The following ADAM19 variants were observed in gnomAD, a reference collection of about 807,000 sequenced individuals.
The protein encoded by ADAM19 is ADAM metallopeptidase domain 19.
In ADAM19, 65 loss-of-function variants were observed where a neutral mutation model predicts 114.7. That is an observed-to-expected ratio of 0.57 (90% confidence interval 0.46 to 0.70). ADAM19 has a LOEUF of 0.70. ADAM19 is among the 30% of genes least tolerant of loss of function. The pLI is 0.00. For missense variants in ADAM19, 1,063 were observed against 1,204.7 expected (o/e 0.88, Z 1.74); for synonymous variants, 466 against 460.5 (o/e 1.01, Z -0.15).
In ADAM19 at chr5:157,558,937, C is replaced by T. The variant is rs931624070; in HGVS notation, c.251+5436G>A. On this transcript the variant is annotated intron_variant, in intron 3 of 22. Transcript: ENST00000257527. ...AGAATGTTAGGGAGCTAGATTACTCCATTAGCACTGAATGTTAATTTTCCA... is the reference window on the plus strand; with the variant it reads ...AGAATGTTAGGGAGCTAGATTACTCTATTAGCACTGAATGTTAATTTTCCA... 5.9e-5 allele frequency among the ~76,000 whole-genome samples: 9 copies of T among 152,272 alleles called. No individual in the cohort carries two copies. In the South Asian group the frequency reaches 8.3e-4, roughly 14 times the overall value.
intron 21 of ADAM19, among the ~76,000 whole-genome samples, chr5:157,487,231 T>C (rs1238648063): frequency 6.6e-6 from 1 of 152,150 alleles, no homozygotes; most frequent in Non-Finnish European, 1.5e-5. Context: ...TCTCTCTCCC[T>C]GTCAATCTTT....
At chr5:157,575,500 T>G in intron 1 of ADAM19, 103 bp downstream of exon 1, 1 of 839,844 alleles carries the variant, frequency 1.2e-6, no homozygotes, top group Non-Finnish European at 1.7e-6. Flanking sequence ...CCCGCGGAGT[T>G]GCGGGAGGCG....
chr5:157,501,604 CCA>C (rs1755564509), intron 12 of ADAM19, among the ~76,000 whole-genome samples: 1 of 152,186 alleles, frequency 6.6e-6, no homozygotes, highest in South Asian at 2.1e-4. Flanking sequence ...TTCCTCAACC[CCA>C]GTGGCCCTCC....
Position 157,496,999 on chromosome 5 carries a change from T to C in ADAM19, c.1489A>G (p.Asn497Asp), listed in dbSNP as rs761824631. ...GGGGTACCATCCATCTGGTAGAAGT[T>C]GGTAGGGCAGTGGGGAGACTTGCCC... ...CTGKSPHCPTNFYQMDGTPCE... is the reference protein window; with the variant it reads ...CTGKSPHCPTDFYQMDGTPCE... Residue 497 changes from asparagine to aspartate, a missense_variant, in exon 14 of 23, where the codon AAC becomes GAC. This residue lies in a region of ADAM19 where 615 missense variants were observed against 706.3 expected (regional missense o/e 0.87). Coordinates refer to ENST00000257527, the MANE Select transcript of ADAM19 (RefSeq NM_033274.5). 187 of 1,597,632 alleles carry C rather than the reference T, an allele frequency of 1.2e-4. No individual in the cohort carries two copies. The highest frequency in any genetic ancestry group is 1.5e-4 in the Non-Finnish European group (180 of 1,173,124).
chr5:157,566,095 C>G (rs11465259), intron 2 of ADAM19: 1 of 132,626 alleles, frequency 7.5e-6, no homozygotes, highest in Non-Finnish European at 1.5e-5. Context: ...AGCGACAGAG[C>G]GAGACTCTGT....
At chr5:157,497,590 C>CACACACACACACACAT (rs372261868) in intron 13 of ADAM19, among the ~76,000 whole-genome samples, 7,991 of 151,420 alleles carry the variant, frequency 0.053, 255 homozygotes, top group Middle Eastern at 0.096. Flanking sequence ...CACACACACA[C>CACACACACACACACAT]ACACACACAA....
At chr5:157,521,552 C>T (rs560907981) in intron 5 of ADAM19, among the ~76,000 whole-genome samples, 1 of 152,332 alleles carries the variant, frequency 6.6e-6, no homozygotes, top group African/African-American at 2.4e-5. Flanking sequence ...GCGCCAGGCT[C>T]TGATGGGCAG....
In ADAM19 at chr5:157,480,331, A is replaced by T; in HGVS notation, c.*618T>A. 1 of 986,780 alleles carries T rather than the reference A, an allele frequency of 1.0e-6. No individual in the cohort carries two copies. The highest frequency in any genetic ancestry group is 1.2e-6 in the Non-Finnish European group (1 of 830,892). 61.1% of individuals were successfully genotyped at this position (986,780 alleles called of 1,614,324 possible). On this transcript the variant is annotated 3_prime_UTR_variant, in exon 23 of 23. Coordinates refer to ENST00000257527, the MANE Select transcript of ADAM19 (RefSeq NM_033274.5). ...TGTCTGAGTCAGAGTGACCCGTGTG[A>T]ATACAGGGATGCAGGGGTTTGGGGA...
intron 3 of ADAM19, among the ~76,000 whole-genome samples, chr5:157,541,922 A>G (rs1174245933): frequency 6.6e-6 from 1 of 152,178 alleles, no homozygotes; most frequent in Admixed American, 6.5e-5. Context: ...TTTCCCATTT[A>G]CCTTGAAAAA....
intron 4 of ADAM19, among the ~76,000 whole-genome samples, chr5:157,536,163 C>G (rs1417263494): frequency 6.6e-6 from 1 of 152,180 alleles, no homozygotes; most frequent in South Asian, 2.1e-4. Flanking sequence ...CAAAACACAG[C>G]CCCTGAGCTA....
chr5:157,490,592 A>G (rs1344912239), intron 18 of ADAM19, 138 bp from the exon 19 acceptor site: 3 of 1,148,706 alleles, frequency 2.6e-6, no homozygotes, highest in Non-Finnish European at 3.7e-6. Flanking sequence ...TACAAATTAT[A>G]ATTAAAAACA....
chr5:157,495,967 G>A (rs1755352076), intron 14 of ADAM19, among the ~76,000 whole-genome samples: 1 of 110,474 alleles, frequency 9.1e-6, no homozygotes, highest in South Asian at 3.1e-4. Context: ...TTTTGAGATG[G>A]TACATCCCTC....
chr5:157,507,102 G>A lies in ADAM19; in HGVS notation c.944C>T (p.Pro315Leu). The A allele has an allele frequency of 6.2e-7, 1 of 1,614,134 alleles. No individual in the cohort carries two copies. The highest frequency in any genetic ancestry group is 8.5e-7 in the Non-Finnish European group (1 of 1,180,016). Residue 315 changes from proline to leucine, a missense_variant, in exon 10 of 23, where the codon CCC (proline) becomes CTC (leucine). By Grantham distance (98) the Pro-to-Leu change is moderately conservative (BLOSUM62 -3). Coordinates refer to ENST00000257527, the MANE Select transcript of ADAM19 (RefSeq NM_033274.5). ...SFHGTTIGLA[P>L]LMAMCSVYQS... ...GTACACAGAGCACATGGCCATGAGG[G>A]GGGCCAGGCCGATGGTGGTGCCGTG...
chr5:157,489,375 C>T (rs1386175377), intron 19 of ADAM19, among the ~76,000 whole-genome samples, 189 bp from the exon 20 acceptor site: 1 of 152,176 alleles, frequency 6.6e-6, no homozygotes, highest in African/African-American at 2.4e-5. Context: ...CAATGGAGAA[C>T]TCTCAAGGAA....
In ADAM19 at chr5:157,480,991, G is replaced by C; in HGVS notation, c.2715C>G (p.Tyr905Ter). 6.2e-7 allele frequency: 1 copy of C among 1,614,150 alleles called. No individual in the cohort carries two copies. The highest frequency in any genetic ancestry group is 1.1e-5 in the South Asian group (1 of 91,078). Residue 905 changes from tyrosine (Y) to a stop codon, truncating the protein, a stop_gained, in exon 23 of 23, where the codon TAC becomes TAG. Transcript: ENST00000257527. LOFTEE classifies it high-confidence loss of function. ...LAALAPKFPE[Y>*]RSQRAGGMIS... ...TCATCCCTCCAGCCCTCTGTGATCT[G>C]TATTCTGGAAACTGGGAAGAAAAAG...
rs759459737 is a variant in ADAM19, at chr5:157,493,053, C to A, written c.1828G>T (p.Val610Phe). 2 of 1,614,226 alleles carry A rather than the reference C, an allele frequency of 1.2e-6. No homozygotes were observed. Among genetic ancestry groups the A allele is most frequent in the Non-Finnish European group, 1.7e-6 (2 of 1,180,036 alleles). ...GRQIQCRGTH[V>F]YRGPEEEGDM... The stretch of plus-strand genomic sequence containing the variant: ...CCCTCCTCCTCAGGACCTCGGTAGA[C>A]GTGGGTGCCCCGGCACTGGATCTGC... Residue 610 changes from valine (V) to phenylalanine (F), a missense_variant, in exon 16 of 23, where the codon GTC becomes TTC. By Grantham distance (50) the Val-to-Phe change is conservative. This residue lies in a region of ADAM19 where 424 missense variants were observed against 445.5 expected (regional missense o/e 0.95). Transcript: ENST00000257527.
chr5:157,566,605 T>A (rs888855653), intron 2 of ADAM19: 1 of 152,342 alleles, frequency 6.6e-6, no homozygotes, highest in South Asian at 2.1e-4. Context: ...ATTATTTTTT[T>A]AAAAAAGGAT....
At chr5:157,560,244 G>C (rs1178056384) in intron 3 of ADAM19, among the ~76,000 whole-genome samples, 1 of 124,040 alleles carries the variant, frequency 8.1e-6, no homozygotes, top group Admixed American at 1.1e-4. Flanking sequence ...CAGCCTGGGC[G>C]ACAGAGCGAG....
intron 3 of ADAM19, among the ~76,000 whole-genome samples, chr5:157,558,724 T>C (rs1436586477): frequency 1.3e-5 from 2 of 152,300 alleles, no homozygotes; most frequent in South Asian, 2.1e-4. Flanking sequence ...GTGGTATTCA[T>C]AGTTTTGCTT....
Sources: allele counts gnomAD v4.1 joint callset (sites outside exome capture counted in the v4.1 genomes callset), GRCh38; gene constraint gnomAD v4.1.1; regional missense constraint gnomAD v4.1.1; transcripts MANE v1.5; gene names NCBI Gene and HGNC (gene_info 2026-07-23, HGNC 2026-07-21).